The following AOPEP variants were observed in gnomAD, a reference collection of about 807,000 sequenced individuals.
AOPEP encodes aminopeptidase O.
AOPEP carries 77 observed loss-of-function variants against 98.1 expected under a neutral mutation model. That is an observed-to-expected ratio of 0.78 (90% CI 0.65 to 0.95). The LOEUF is 0.95. Ranked by LOEUF, AOPEP falls within the 40% of genes least tolerant of loss-of-function variation. The pLI is 0.00. For missense variants in AOPEP, 1,024 were observed against 1,024.7 expected (o/e 1.00, Z 0.01); for synonymous variants, 346 against 365.3 (o/e 0.95, Z 0.60).
At chr9:95,057,043 A>G (rs1360309869) in intron 13 of AOPEP, among the ~76,000 whole-genome samples, 1 of 152,154 alleles carries the variant, frequency 6.6e-6, no homozygotes, top group Admixed American at 6.5e-5. Context: ...ATGCAAAGGA[A>G]AGGACTTTTG....
chr9:95,124,068 C>T, the AOPEP span, among the ~76,000 whole-genome samples: 2 of 135,834 alleles, frequency 1.5e-5, no homozygotes, highest in African/African-American at 5.6e-5. Flanking sequence ...CACATCACTG[C>T]ACTCCAGCCT....
At chr9:95,033,494 C>T (rs768238638) in intron 13 of AOPEP, among the ~76,000 whole-genome samples, 4 of 152,052 alleles carry the variant, frequency 2.6e-5, no homozygotes, top group East Asian at 1.9e-4. Context: ...CTCCATCAGT[C>T]GGTGTGATTC....
At position 94,759,982 on chromosome 9, in the gene AOPEP, G is replaced by A; in HGVS notation, c.199G>A (p.Glu67Lys). 1 of 1,614,128 alleles carries A rather than the reference G, an allele frequency of 6.2e-7. No individual in the cohort carries two copies. The highest frequency in any genetic ancestry group is 8.5e-7 in the Non-Finnish European group (1 of 1,180,018). The change falls in exon 2 of 17, where the codon GAA becomes AAA. Residue 67 changes from glutamate to lysine, a missense_variant. By Grantham distance (56) the Glu-to-Lys change is moderately conservative. This residue lies in a region of AOPEP where 440 missense variants were observed against 433.8 expected (regional missense o/e 1.01). Coordinates refer to ENST00000375315, the MANE Select transcript of AOPEP (RefSeq NM_001193329.3). ...CTCTATTGAGGAAGCCTGCCAATCA[G>A]AATCAAACAAAGCCTGCAAATTTGG... ...NSSIEEACQS[E>K]SNKACKFGMP...
chr9:94,839,246 C>T (rs981333949), intron 5 of AOPEP, among the ~76,000 whole-genome samples: 9 of 152,066 alleles, frequency 5.9e-5, no homozygotes, highest in East Asian at 3.9e-4. Context: ...CCACCACACC[C>T]GGCTAATTTT....
chr9:94,822,794 C>T lies in AOPEP; in HGVS notation c.1364+21792C>T, dbSNP rs116549113. On this transcript the variant is annotated intron_variant, in intron 5 of 16. Coordinates refer to ENST00000375315, the MANE Select transcript of AOPEP (RefSeq NM_001193329.3). Reference sequence around the variant, plus strand: ...GCGCTGAGTACATGTCATGTATCATCCCATTTAAGACTTGCATCCTCTATG... The same window carrying T: ...GCGCTGAGTACATGTCATGTATCATTCCATTTAAGACTTGCATCCTCTATG... Among the ~76,000 whole-genome samples the T allele has an allele frequency of 6.5e-3, 992 of 152,274 alleles. 15 individuals carry two copies. The highest frequency in any genetic ancestry group is 0.023 in the African/African-American group (942 of 41,550).
At chr9:94,801,409 C>T (rs1848189893) in intron 5 of AOPEP, among the ~76,000 whole-genome samples, 1 of 152,208 alleles carries the variant, frequency 6.6e-6, no homozygotes, top group South Asian at 2.1e-4. Flanking sequence ...CCACAGGCTA[C>T]TCACCTAATC....
At chr9:94,799,873 A>T (rs560987441) in intron 4 of AOPEP, among the ~76,000 whole-genome samples, 31 of 152,202 alleles carry the variant, frequency 2.0e-4, no homozygotes, top group East Asian at 7.7e-4. Flanking sequence ...AAAAAAAAAA[A>T]AATAATGAAA....
At chr9:94,732,174 G>A (rs549833365) in intron 1 of AOPEP, among the ~76,000 whole-genome samples, 135 of 151,936 alleles carry the variant, frequency 8.9e-4, no homozygotes, top group African/African-American at 3.2e-3. Flanking sequence ...GTATACTCTA[G>A]AGGATGTAAG....
At chr9:94,917,994 G>A (rs949953196) in intron 5 of AOPEP, among the ~76,000 whole-genome samples, 3 of 151,678 alleles carry the variant, frequency 2.0e-5, no homozygotes, top group East Asian at 1.9e-4. Context: ...CATTCTCTAC[G>A]GCCCTAATTT....
intron 9 of AOPEP, among the ~76,000 whole-genome samples, chr9:94,966,620 A>T (rs979142839): frequency 6.6e-6 from 1 of 152,228 alleles, no homozygotes; most frequent in Non-Finnish European, 1.5e-5. Flanking sequence ...TATTTATCCA[A>T]AGTATACAAA....
At chr9:94,895,234 T>TAAAAAAAAAAAAAAAA (rs1188345681) in intron 5 of AOPEP, among the ~76,000 whole-genome samples, 1 of 36,360 alleles carries the variant, frequency 2.8e-5, no homozygotes, top group African/African-American at 5.7e-5. Flanking sequence ...AAAAATAAAA[T>TAAAAAAAAAAAAAAAA]AAAATAAAAA....
chr9:94,982,875 C>T (rs551473015), intron 11 of AOPEP, among the ~76,000 whole-genome samples: 1 of 152,126 alleles, frequency 6.6e-6, no homozygotes, highest in Non-Finnish European at 1.5e-5. Context: ...CCCTCGGCCC[C>T]ATAGCCATAT....
At chr9:94,824,307 C>T (rs1853969369) in intron 5 of AOPEP, 1 of 152,200 alleles carries the variant, frequency 6.6e-6, no homozygotes, top group Admixed American at 6.5e-5. Context: ...GCCCCTGCCT[C>T]TTTGGATACT....
In AOPEP at chr9:94,772,277, A is replaced by G. The variant is rs559736717; in HGVS notation, c.798-725A>G. 9.9e-5 allele frequency among the ~76,000 whole-genome samples: 15 copies of G among 152,256 alleles called. No homozygotes were observed. The South Asian group carries it at 2.9e-3, about 29-fold the overall frequency. The stretch of plus-strand genomic sequence containing the variant: ...ATCTTGAGAATCTTTATCTTTGTCA[A>G]CCATGACTTTATCATGGGACAGATC... On this transcript the variant is annotated intron_variant, in intron 2 of 16. Coordinates refer to ENST00000375315, the MANE Select transcript of AOPEP (RefSeq NM_001193329.3).
chr9:95,087,721 C>T (rs2070803617), downstream of AOPEP, among the ~76,000 whole-genome samples: 2 of 152,104 alleles, frequency 1.3e-5, no homozygotes, highest in Non-Finnish European at 2.9e-5. Context: ...TCTTTCTCCA[C>T]AAGGTTTAGG....
chr9:94,861,209 C>T (rs750066680), intron 5 of AOPEP, among the ~76,000 whole-genome samples: 38 of 152,228 alleles, frequency 2.5e-4, no homozygotes, highest in African/African-American at 8.4e-4. Context: ...GGCTTCATGA[C>T]GAAGGGGAAG....
In AOPEP at chr9:94,884,540, C is replaced by T. The variant is rs568388284; in HGVS notation, c.1365-39446C>T. Among the ~76,000 whole-genome samples the T allele has an allele frequency of 5.9e-5, 9 of 152,296 alleles. No individual in the cohort carries two copies. The South Asian group carries it at 1.9e-3, about 32-fold the overall frequency. ...ACAGCACAGTGCACAGGCTCTGGAG[C>T]AGGACCGCAGGGTGCCAACCCCAGA... is the stretch of plus-strand genomic sequence containing the variant. On this transcript the variant is annotated intron_variant, in intron 5 of 16. Coordinates refer to ENST00000375315, the MANE Select transcript of AOPEP (RefSeq NM_001193329.3).
chr9:95,106,303 T>C, the AOPEP span, among the ~76,000 whole-genome samples: 13 of 152,232 alleles, frequency 8.5e-5, no homozygotes, highest in Admixed American at 7.8e-4. Context: ...CATTTTTGAA[T>C]TGGGTTGTTT....
chr9:94,734,570 G>A (rs1831315311), intron 1 of AOPEP, among the ~76,000 whole-genome samples: 1 of 152,222 alleles, frequency 6.6e-6, no homozygotes, highest in African/African-American at 2.4e-5. Context: ...GCCATTTTTA[G>A]CATCACTGAA....
Sources: allele counts gnomAD v4.1 joint callset (sites outside exome capture counted in the v4.1 genomes callset), GRCh38; gene constraint gnomAD v4.1.1; regional missense constraint gnomAD v4.1.1; transcripts MANE v1.5; gene names NCBI Gene and HGNC (gene_info 2026-07-23, HGNC 2026-07-21).